The following RUFY4 variants were observed in gnomAD, a reference collection of about 807,000 sequenced individuals.
RUFY4 encodes the protein RUN and FYVE domain containing 4.
In RUFY4, 73 loss-of-function variants were observed where a neutral mutation model predicts 69.0. That is an observed-to-expected ratio of 1.06 (90% CI 0.88 to 1.29). The LOEUF is 1.29. Among genes scored for constraint, RUFY4 ranks in the 50% most tolerant of loss-of-function variants. The pLI, the probability that RUFY4 is intolerant of heterozygous loss-of-function variation, is 0.00. For missense variants in RUFY4, 770 were observed against 705.6 expected, an observed-to-expected ratio of 1.09 and a Z score of -1.03; for synonymous variants, 287 against 271.8, an observed-to-expected ratio of 1.06 and a Z score of -0.55.
Position 218,039,966 on chromosome 2 carries a change from C to A in RUFY4, c.-1158+4572C>A, listed in dbSNP as rs372221579. On this transcript the variant is annotated intron_variant and NMD_transcript_variant, in intron 2 of 13. Transcript: ENST00000457754. Reference sequence around the variant, plus strand: ...TCAAGTGCAGTCTTCCACCTCCTTCCCACTGGATTGCCCCCAATTTGCTCC... The same window carrying A: ...TCAAGTGCAGTCTTCCACCTCCTTCACACTGGATTGCCCCCAATTTGCTCC... Among the ~76,000 whole-genome samples the A allele has an allele frequency of 4.6e-5, 7 of 151,582 alleles. No individual in the cohort carries two copies. In the East Asian group the frequency reaches 1.4e-3, roughly 30 times the overall value.
At chr2:218,077,298 C>T (rs552353620) in intron 8 of RUFY4, among the ~76,000 whole-genome samples, 1 of 152,290 alleles carries the variant, frequency 6.6e-6, no homozygotes, top group South Asian at 2.1e-4. Context: ...ATCACATTGA[C>T]CTCAGGGGCC....
chr2:218,073,745 T>A, intron 5 of RUFY4, 71 bp from the exon 8 acceptor site: 1 of 1,518,330 alleles, frequency 6.6e-7, no homozygotes, highest in Non-Finnish European at 9.1e-7. Flanking sequence ...AAAGATGGGA[T>A]ACCCTCCATC....
At chr2:218,089,767 G>C in intron 10 of RUFY4, 185 bp from the exon 13 acceptor site, 1 of 706,888 alleles carries the variant, frequency 1.4e-6, no homozygotes, top group Non-Finnish European at 2.6e-6. Flanking sequence ...TGGAGGGGTC[G>C]GGCATCAGGA....
At chr2:218,075,526 T>A in exon 7 of RUFY4, 1 of 1,554,016 alleles carries the variant, frequency 6.4e-7, no homozygotes, top group Non-Finnish European at 8.7e-7. Flanking sequence ...GTCCAGAGGC[T>A]GCTGATGCCC....
chr2:218,053,536 G>A (rs1442141192), intron 2 of RUFY4, among the ~76,000 whole-genome samples: 2 of 151,880 alleles, frequency 1.3e-5, no homozygotes, highest in Non-Finnish European at 2.9e-5. Flanking sequence ...TTGAAACGGA[G>A]TCTTGCTCTG....
At chr2:218,074,810 A>G (rs1689584974) in intron 6 of RUFY4, among the ~76,000 whole-genome samples, 1 of 152,144 alleles carries the variant, frequency 6.6e-6, no homozygotes. Flanking sequence ...GGGGAACCAG[A>G]TCAATACCCA....
intron 10 of RUFY4, chr2:218,089,607 G>C (rs373445158): frequency 1.5e-5 from 10 of 686,298 alleles, no homozygotes; most frequent in South Asian, 4.6e-5. Context: ...TCCAAGAGCC[G>C]ATTGAGAAAT....
In RUFY4 at chr2:218,081,901, G is replaced by A. The variant is rs187850092; in HGVS notation, c.1356-1209G>A. Among the ~76,000 whole-genome samples, 13 of 152,256 alleles carry A rather than the reference G, an allele frequency of 8.5e-5. No homozygotes were observed. The East Asian group carries it at 2.5e-3, about 29-fold the overall frequency. ...AAAAGGGGGTGTTTTAAAATTACAT[G>A]TTCAATTCATTGTCAAGCCTCTTGC... On this transcript the variant is annotated intron_variant, in intron 8 of 10. Coordinates refer to ENST00000344321, the Ensembl canonical transcript of RUFY4.
At chr2:218,050,724 G>A (rs1436071989) in intron 2 of RUFY4, among the ~76,000 whole-genome samples, 12 of 152,170 alleles carry the variant, frequency 7.9e-5, no homozygotes, top group Non-Finnish European at 5.9e-5. Flanking sequence ...GATGTTTTAA[G>A]ATCATAAAAG....
At chr2:218,083,525 G>A (rs1057416624) in intron 9 of RUFY4, among the ~76,000 whole-genome samples, 8 of 152,108 alleles carry the variant, frequency 5.3e-5, no homozygotes, top group East Asian at 1.9e-4. Flanking sequence ...CAAGGTGGGC[G>A]GATAATGAGG....
intron 3 of RUFY4, among the ~76,000 whole-genome samples, chr2:218,062,430 T>C (rs1057313379): frequency 7.3e-6 from 1 of 136,624 alleles, no homozygotes; most frequent in Non-Finnish European, 1.5e-5. Context: ...AAATGATAAG[T>C]GGCCGGGCAT....
intron 2 of RUFY4, among the ~76,000 whole-genome samples, chr2:218,071,463 C>T (rs1689486191): frequency 6.6e-6 from 1 of 152,096 alleles, no homozygotes; most frequent in Non-Finnish European, 1.5e-5. Context: ...TGCTCTTCCA[C>T]TGGAATGCAC....
Position 218,089,365 on chromosome 2 carries a change from A to G in RUFY4, c.1613+3A>G, listed in dbSNP as rs1689975875. 1 of 1,612,744 alleles carries G rather than the reference A, an allele frequency of 6.2e-7. No individual in the cohort carries two copies. On this transcript the variant is annotated splice_donor_region_variant and intron_variant, in intron 10 of 10. Transcript: ENST00000344321. ...TTTTCTCGGCGGTATCCATGCAGGT[A>G]AAGGGAAGGGCACAGAATCCTCCCT... is the stretch of plus-strand genomic sequence containing the variant.
chr2:218,081,215 C>T (rs1689753356), intron 8 of RUFY4, among the ~76,000 whole-genome samples: 1 of 152,146 alleles, frequency 6.6e-6, no homozygotes, highest in African/African-American at 2.4e-5. Flanking sequence ...CTGCCCACCT[C>T]CCCACTCTTC....
At chr2:218,088,040 AG>A (rs1206802002) in intron 9 of RUFY4, among the ~76,000 whole-genome samples, 1 of 152,174 alleles carries the variant, frequency 6.6e-6, no homozygotes, top group Non-Finnish European at 1.5e-5. Flanking sequence ...TTTCAAGGAG[AG>A]AAAGCAAAAA....
At chr2:218,048,829 C>T (rs1362238444) in intron 2 of RUFY4, among the ~76,000 whole-genome samples, 1 of 151,990 alleles carries the variant, frequency 6.6e-6, no homozygotes, top group Non-Finnish European at 1.5e-5. Context: ...TTAAATTCTC[C>T]ATTCTTAATA....
intron 3 of RUFY4, chr2:218,060,665 T>A (rs1381942411): frequency 7.5e-7 from 1 of 1,337,444 alleles, no homozygotes. Context: ...ACAGCAAAGA[T>A]GACCCACATG....
exon 7 of RUFY4, chr2:218,075,269 T>A: frequency 6.3e-7 from 1 of 1,589,656 alleles, no homozygotes; most frequent in East Asian, 2.3e-5. Context: ...CCAGGAAACA[T>A]AGGTACCCCC....
chr2:218,072,865 C>T (rs1167807052), exon 4 of RUFY4: 2 of 1,535,066 alleles, frequency 1.3e-6, no homozygotes, highest in Non-Finnish European at 1.7e-6. Flanking sequence ...AGCTTTGCCT[C>T]CTGAACTCAG....
Sources: gnomAD v4.1 joint callset for allele counts (sites outside exome capture counted in the v4.1 genomes callset) on GRCh38, gnomAD v4.1.1 for gene constraint, MANE v1.5 for transcripts, NCBI Gene and HGNC (gene_info 2026-07-23, HGNC 2026-07-21) for gene names.